Variants in KLF13 observed in about 807,000 individuals in gnomAD.
KLF13 encodes the protein Krueppel-like factor 13.
Under a neutral mutation model 16.7 loss-of-function variants are expected in KLF13, and 8 were observed. The ratio of observed to expected loss-of-function variants is 0.48; its 90% CI spans 0.28 to 0.87. KLF13 has a LOEUF of 0.87. Ranked by LOEUF, KLF13 falls within the 40% of genes least tolerant of loss-of-function variation. The pLI, the probability that KLF13 is intolerant of heterozygous loss-of-function variation, is 0.10. For missense variants in KLF13, 447 were observed against 452.2 expected (o/e 0.99, Z 0.10); for synonymous variants, 245 against 208.4 (o/e 1.18, Z -1.51).
intron 1 of KLF13, among the ~76,000 whole-genome samples, chr15:31,346,429 C>G (rs72722828): frequency 0.27 from 40,369 of 152,140 alleles, 6,566 homozygotes; most frequent in East Asian, 0.4. Flanking sequence ...ACCGCTGTTA[C>G]CAGTATTCAG....
upstream of KLF13, among the ~76,000 whole-genome samples, chr15:31,389,323 G>A (rs2039832096): frequency 6.6e-6 from 1 of 152,196 alleles, no homozygotes; most frequent in Non-Finnish European, 1.5e-5. Flanking sequence ...ATCTGTTCAT[G>A]TGATCAGCAA....
At chr15:31,399,647 C>T (rs1030584647) in intron 2 of KLF13, among the ~76,000 whole-genome samples, 1 of 152,238 alleles carries the variant, frequency 6.6e-6, no homozygotes, top group Non-Finnish European at 1.5e-5. Context: ...ACCTCCGCCT[C>T]GTGGCTGGGT....
chr15:31,430,647 G>A (rs1025137969), intron 1 of KLF13, among the ~76,000 whole-genome samples: 6 of 152,114 alleles, frequency 3.9e-5, no homozygotes, highest in African/African-American at 1.4e-4. Context: ...CTGTTGCTTT[G>A]GGGATTAAAT....
intron 1 of KLF13, among the ~76,000 whole-genome samples, chr15:31,342,498 G>A (rs575047387): frequency 1.3e-5 from 2 of 152,284 alleles, no homozygotes; most frequent in East Asian, 3.9e-4. Flanking sequence ...TCACTGGATC[G>A]CTTCATAACA....
chr15:31,413,192 AAAAAAAAAAAC>A (rs1273775786), intron 1 of KLF13, among the ~76,000 whole-genome samples: 1 of 149,536 alleles, frequency 6.7e-6, no homozygotes, highest in Non-Finnish European at 1.5e-5. Context: ...ATAGACAAAA[AAAAAAAAAAAC>A]AAAAAACAAA....
At chr15:31,423,184 C>T (rs1188632043) in intron 1 of KLF13, among the ~76,000 whole-genome samples, 2 of 95,180 alleles carry the variant, frequency 2.1e-5, no homozygotes, top group East Asian at 3.1e-4. Flanking sequence ...TACATATATA[C>T]GTATATATAT....
chr15:31,401,254 C>T (rs2140992078), intron 2 of KLF13, among the ~76,000 whole-genome samples: 1 of 152,348 alleles, frequency 6.6e-6, no homozygotes, highest in Non-Finnish European at 1.5e-5. Context: ...CCCACCTCAG[C>T]CTCCCAAAGT....
intron 1 of KLF13, among the ~76,000 whole-genome samples, chr15:31,328,654 A>G (rs2140926563): frequency 6.7e-6 from 1 of 148,704 alleles, no homozygotes; most frequent in East Asian, 2.0e-4. Flanking sequence ...CAGCCTGGGG[A>G]TCACCGCCCG....
At chr15:31,329,632 T>C (rs768207038) in intron 1 of KLF13, among the ~76,000 whole-genome samples, 62 of 152,278 alleles carry the variant, frequency 4.1e-4, no homozygotes, top group Non-Finnish European at 7.2e-4. Context: ...GCAGGGGCTC[T>C]GGAGACCCGG....
intron 1 of KLF13, among the ~76,000 whole-genome samples, chr15:31,434,461 GC>G (rs2040506766): frequency 6.6e-6 from 1 of 152,140 alleles, no homozygotes; most frequent in Non-Finnish European, 1.5e-5. Context: ...TCAGGTGCTT[GC>G]CCCCAGTTGA....
rs1481511917 is a variant in KLF13, at chr15:31,372,337, G to A, written c.*38G>A. On this transcript the variant is annotated 3_prime_UTR_variant, in exon 2 of 2. Transcript: ENST00000307145. ...CATGAGCAGCCGCTCCCACCCCCTCGTGAGTCCCTGGCCTTTCCTTTTGTA... is the reference window on the plus strand; with the variant it reads ...CATGAGCAGCCGCTCCCACCCCCTCATGAGTCCCTGGCCTTTCCTTTTGTA... 8 of 1,431,282 alleles carry A rather than the reference G, an allele frequency of 5.6e-6. No homozygotes were observed. The highest frequency in any genetic ancestry group is 2.5e-5 in the East Asian group (1 of 39,412). 88.7% of individuals were successfully genotyped at this position (1,431,282 alleles called of 1,614,324 possible).
intron 1 of KLF13, among the ~76,000 whole-genome samples, chr15:31,367,788 G>A (rs892862799): frequency 3.3e-5 from 5 of 152,200 alleles, no homozygotes; most frequent in Admixed American, 6.5e-5. Flanking sequence ...GAGGCCGGTC[G>A]TGCGCAGCCC....
At chr15:31,359,644 C>T (rs574799906) in intron 1 of KLF13, among the ~76,000 whole-genome samples, 1 of 152,322 alleles carries the variant, frequency 6.6e-6, no homozygotes, top group African/African-American at 2.4e-5. Context: ...CCTGAGGTAA[C>T]CTCTGTTTCC....
chr15:31,339,597 A>G (rs2038988331), intron 1 of KLF13, among the ~76,000 whole-genome samples: 1 of 152,190 alleles, frequency 6.6e-6, no homozygotes, highest in Non-Finnish European at 1.5e-5. Flanking sequence ...GGGTTCAGAT[A>G]CCCACAACTG....
chr15:31,400,450 CT>C (rs1268213109), intron 2 of KLF13, among the ~76,000 whole-genome samples: 1 of 152,014 alleles, frequency 6.6e-6, no homozygotes, highest in Non-Finnish European at 1.5e-5. Context: ...AAATAAAGGC[CT>C]TAAAAAGTGA....
chr15:31,363,080 T>C (rs894212558), intron 1 of KLF13, among the ~76,000 whole-genome samples: 3 of 152,178 alleles, frequency 2.0e-5, no homozygotes, highest in Admixed American at 2.0e-4. Flanking sequence ...TGTGCACATT[T>C]CTAATTTTAA....
At chr15:31,427,992 G>A (rs1174156922) in intron 1 of KLF13, among the ~76,000 whole-genome samples, 1 of 152,050 alleles carries the variant, frequency 6.6e-6, no homozygotes, top group African/African-American at 2.4e-5. Context: ...TTTGGGTGGG[G>A]ACACAGACCC....
At chr15:31,362,388 T>C (rs1350558989) in intron 1 of KLF13, among the ~76,000 whole-genome samples, 2 of 152,174 alleles carry the variant, frequency 1.3e-5, no homozygotes, top group South Asian at 4.1e-4. Flanking sequence ...TATTGCTATT[T>C]TTGAGTTTCT....
At chr15:31,359,542 A>G (rs1265972462) in intron 1 of KLF13, among the ~76,000 whole-genome samples, 1 of 152,204 alleles carries the variant, frequency 6.6e-6, no homozygotes, top group African/African-American at 2.4e-5. Flanking sequence ...ACTTTGTTAC[A>G]TAGTGTTATT....
Sources: allele counts gnomAD v4.1 joint callset (sites outside exome capture counted in the v4.1 genomes callset), GRCh38; gene constraint gnomAD v4.1.1; transcripts MANE v1.5; gene names NCBI Gene and HGNC (gene_info 2026-07-23, HGNC 2026-07-21).